The following KDR variants were observed in gnomAD, a reference collection of about 807,000 sequenced individuals.
KDR encodes kinase insert domain receptor, also known as vascular endothelial growth factor receptor 2.
Under a neutral mutation model 160.9 loss-of-function variants are expected in KDR, and 43 were observed. The ratio of observed to expected loss-of-function variants is 0.27; its 90% CI spans 0.21 to 0.34. The LOEUF is 0.34. Ranked by LOEUF, KDR falls within the 10% of genes least tolerant of loss-of-function variation. The pLI is 1.00. For missense variants in KDR, 1,469 were observed against 1,666.4 expected (o/e 0.88, Z 2.06); for synonymous variants, 617 against 600.1 (o/e 1.03, Z -0.41).
chr4:55,115,120 T>G (rs1720700330), intron 4 of KDR, 78 bp from the exon 5 acceptor site: 1 of 1,337,620 alleles, frequency 7.5e-7, no homozygotes, highest in Non-Finnish European at 1.1e-6. Context: ...ACTGAAGAAT[T>G]CATCTTATTT....
rs41404149 is a variant in KDR at position 55,110,410 on chromosome 4, A to G, written c.1248T>C (p.Val416=). The change falls in exon 9 of 30, where the codon GTT becomes GTC. Residue 416 remains valine (V), a synonymous_variant. Coordinates refer to ENST00000263923, the MANE Select transcript of KDR (RefSeq NM_002253.4). ...AAAATTGAATGGACTCACCATACAC[A>G]ACCAGAGAGACCACATGGCTCTGCT... The part of the protein sequence containing the change: ...KEKQSHVVSL[V]VYVPPQIGEK... 5.0e-6 allele frequency: 8 copies of G among 1,613,952 alleles called. No homozygotes were observed. Among genetic ancestry groups the G allele is most frequent in the East Asian group, 2.2e-5 (1 of 44,884 alleles).
intron 9 of KDR, 44 bp downstream of exon 9, chr4:55,110,359 A>G: frequency 6.3e-7 from 1 of 1,591,370 alleles, no homozygotes; most frequent in Non-Finnish European, 8.6e-7. Context: ...AAGACAATGT[A>G]TCATAATAAA....
Position 55,094,910 on chromosome 4 carries a change from T to C in KDR, c.2863A>G (p.Ile955Val), listed in dbSNP as rs201830601. 12 of 1,614,016 alleles carry C rather than the reference T, an allele frequency of 7.4e-6. No homozygotes were observed. In the Admixed American group the frequency reaches 2.0e-4, roughly 27 times the overall value. ...AAGCGCCGTTTCAGATCCACAGGGA[T>C]TGCTCCAACGTAGTCTTTCCCTTGA... ...FRQGKDYVGAIPVDLKRRLDS... is the reference protein window; with the variant it reads ...FRQGKDYVGAVPVDLKRRLDS... Residue 955 changes from isoleucine to valine, a missense_variant, in exon 21 of 30, where the codon ATC becomes GTC. Transcript: ENST00000263923.
At chr4:55,097,913 A>G (rs1720203250) in intron 17 of KDR, 147 bp from the exon 18 acceptor site, 5 of 838,586 alleles carry the variant, frequency 6.0e-6, no homozygotes, top group South Asian at 1.5e-5. Flanking sequence ...TGGCTTAATT[A>G]TTTAATAACT....
chr4:55,089,662 G>A (rs1333896202), intron 24 of KDR, 29 bp downstream of exon 24: 1 of 1,579,948 alleles, frequency 6.3e-7, no homozygotes, highest in South Asian at 1.1e-5. Context: ...TTTGGAGTCT[G>A]GATGGAAGGA....
intron 3 of KDR, among the ~76,000 whole-genome samples, chr4:55,118,355 C>T (rs1282165242): frequency 6.6e-6 from 1 of 152,112 alleles, no homozygotes; most frequent in East Asian, 1.9e-4. Flanking sequence ...CAACAGTGAA[C>T]ACAGATTTAC....
intron 3 of KDR, among the ~76,000 whole-genome samples, chr4:55,116,168 G>A (rs1720731800): frequency 6.6e-6 from 1 of 152,178 alleles, no homozygotes. Context: ...TGTAATCCCA[G>A]CACTTTGGGA....
intron 27 of KDR, among the ~76,000 whole-genome samples, chr4:55,086,434 C>G (rs1037646447): frequency 3.3e-5 from 5 of 152,152 alleles, no homozygotes; most frequent in South Asian, 2.1e-4. Flanking sequence ...CTACTCATTT[C>G]TATCTGACTC....
intron 1 of KDR, among the ~76,000 whole-genome samples, chr4:55,124,906 C>CA (rs768947725): frequency 1.3e-5 from 2 of 152,162 alleles, no homozygotes; most frequent in Non-Finnish European, 2.9e-5. Context: ...TCCTGCCTGC[C>CA]AACCCCAGGC....
intron 28 of KDR, 150 bp from the exon 29 acceptor site, chr4:55,082,191 G>A: frequency 1.4e-6 from 1 of 718,588 alleles, no homozygotes; most frequent in Non-Finnish European, 2.5e-6. Flanking sequence ...AATTGTCCAA[G>A]CTACAAAAGG....
chr4:55,107,935 T>G (rs1486448574), intron 9 of KDR, 42 bp from the exon 10 acceptor site: 1 of 1,608,784 alleles, frequency 6.2e-7, no homozygotes, highest in African/African-American at 1.3e-5. Flanking sequence ...CAGTCAGCTT[T>G]GAAGAATGGG....
intron 11 of KDR, among the ~76,000 whole-genome samples, 200 bp from the exon 12 acceptor site, chr4:55,106,140 T>C (rs530599963): frequency 6.6e-6 from 1 of 151,976 alleles, no homozygotes; most frequent in African/African-American, 2.4e-5. Context: ...TGGTTTGGAT[T>C]TTGGATTTTT....
intron 1 of KDR, among the ~76,000 whole-genome samples, chr4:55,122,636 C>T (rs1002666067): frequency 6.6e-6 from 1 of 152,160 alleles, no homozygotes; most frequent in African/African-American, 2.4e-5. Context: ...AAGTTACTGA[C>T]ATAACTGGTC....
rs369411727 is a variant in KDR at position 55,098,237 on chromosome 4, G to A, written c.2409C>T (p.Ser803=). 36 of 1,613,750 alleles carry A rather than the reference G, an allele frequency of 2.2e-5. No homozygotes were observed. Among genetic ancestry groups the A allele is most frequent in the Non-Finnish European group, 3.0e-5 (35 of 1,179,844 alleles). The change falls in exon 17 of 30, where the codon TCC becomes TCT. Residue 803 remains serine (S), a synonymous_variant. Transcript: ENST00000263923. ...NGGELKTGYL[S]IVMDPDELPL... ...GGAGTTCATCTGGATCCATGACGAT[G>A]GACAAGTAGCCTGTCTTCAGTTCCC...
At chr4:55,124,588 T>G (rs1480876656) in intron 1 of KDR, among the ~76,000 whole-genome samples, 2 of 152,022 alleles carry the variant, frequency 1.3e-5, no homozygotes, top group Admixed American at 6.6e-5. Flanking sequence ...GGGGAAGCTG[T>G]CAAAGCCCCC....
chr4:55,100,159 G>A (rs976992277), intron 15 of KDR, among the ~76,000 whole-genome samples: 5 of 152,114 alleles, frequency 3.3e-5, no homozygotes. Flanking sequence ...GGCCCACTAC[G>A]GCCTCAAGAG....
rs1475215673 is a variant in KDR, at chr4:55,098,168, T to C, written c.2478A>G (p.Lys826=). ...TCAGCCGGTCTCTGGGGAATTCCCA[T>C]TTGCTGGCATCATAAGGCAGTCGTT... The part of the protein sequence containing the change: ...HCERLPYDAS[K]WEFPRDRLKL... The change falls in exon 17 of 30, where the codon AAA becomes AAG. Residue 826 remains lysine (K), a synonymous_variant. Coordinates refer to ENST00000263923, the MANE Select transcript of KDR (RefSeq NM_002253.4). 7 of 1,613,828 alleles carry C rather than the reference T, an allele frequency of 4.3e-6. No homozygotes were observed. The highest frequency in any genetic ancestry group is 5.9e-6 in the Non-Finnish European group (7 of 1,179,882).
intron 22 of KDR, among the ~76,000 whole-genome samples, chr4:55,090,606 T>A (rs189681281): frequency 6.6e-5 from 10 of 152,294 alleles, no homozygotes; most frequent in Admixed American, 6.5e-4. Flanking sequence ...TGGGTTATTA[T>A]AAAGGTCTAT....
chr4:55,096,539 T>A lies in KDR; in HGVS notation c.2615-197A>T. The A allele has an allele frequency of 5.1e-6, 3 of 585,018 alleles. No homozygotes were observed. In the South Asian group the frequency reaches 6.4e-5, roughly 13 times the overall value. 36.2% of individuals were successfully genotyped at this position (585,018 alleles called of 1,614,324 possible). A position where few individuals can be genotyped will look rare whatever the true frequency, so the allele number is the denominator to read the frequency against. On this transcript the variant is annotated intron_variant, in intron 18 of 29. Coordinates refer to ENST00000263923, the MANE Select transcript of KDR (RefSeq NM_002253.4). ...CTAATTTGAAATAAAATTCATATTT[T>A]AAGTGAGCCAGAAAGTTTGATATTT...
Sources: gnomAD v4.1 joint callset for allele counts (sites outside exome capture counted in the v4.1 genomes callset) on GRCh38, gnomAD v4.1.1 for gene constraint, MANE v1.5 for transcripts, NCBI Gene and HGNC (gene_info 2026-07-23, HGNC 2026-07-21) for gene names.